CNTNAP4: variants seen among roughly 807,000 people sequenced by gnomAD.
CNTNAP4 encodes the protein contactin-associated protein-like 4.
Under a neutral mutation model 148.4 loss-of-function variants are expected in CNTNAP4, and 98 were observed. That is an observed-to-expected ratio of 0.66 (90% CI 0.56 to 0.78). The LOEUF (loss-of-function observed/expected upper bound fraction) is 0.78, where lower values mean the gene tolerates loss of function less well. CNTNAP4 is among the 30% of genes least tolerant of loss of function. CNTNAP4 has a pLI of 0.00. For synonymous variants in CNTNAP4, 730 were observed against 565.1 expected (o/e 1.29, Z -4.14); for missense variants, 1,935 against 1,565.6 (o/e 1.24, Z -3.98).
At chr16:76,417,637 TTAAC>T (rs1198672606) in intron 3 of CNTNAP4, among the ~76,000 whole-genome samples, 5 of 151,696 alleles carry the variant, frequency 3.3e-5, no homozygotes, top group South Asian at 4.1e-4. Context: ...AATGATTTCA[TTAAC>T]TAAGAATAAG....
At chr16:76,354,473 C>A (rs1452234222) in intron 2 of CNTNAP4, among the ~76,000 whole-genome samples, 2 of 152,082 alleles carry the variant, frequency 1.3e-5, no homozygotes, top group Non-Finnish European at 2.9e-5. Flanking sequence ...GTTCTCTTTT[C>A]CCCCATCCTC....
chr16:76,522,008 C>T (rs1302838932), intron 16 of CNTNAP4, 31 bp from the exon 17 acceptor site: 9 of 1,604,284 alleles, frequency 5.6e-6, no homozygotes, highest in East Asian at 2.2e-5. Flanking sequence ...TAGGAACTCA[C>T]TAGAACAATC....
intron 3 of CNTNAP4, among the ~76,000 whole-genome samples, chr16:76,384,606 A>T (rs1052623046): frequency 1.3e-5 from 2 of 152,104 alleles, no homozygotes; most frequent in African/African-American, 4.8e-5. Context: ...TGAGTTGATT[A>T]ATCTCCTTGG....
intron 12 of CNTNAP4, among the ~76,000 whole-genome samples, chr16:76,480,052 G>T (rs2143663127): frequency 6.6e-6 from 1 of 152,124 alleles, no homozygotes; most frequent in East Asian, 1.9e-4. Context: ...GTTTATAGTG[G>T]AATTTGAAAG....
At chr16:76,475,378 G>A (rs1419092074) in intron 10 of CNTNAP4, among the ~76,000 whole-genome samples, 5 of 152,176 alleles carry the variant, frequency 3.3e-5, no homozygotes, top group Non-Finnish European at 7.3e-5. Context: ...TGTTGAGTAT[G>A]ACAGATATTT....
intron 2 of CNTNAP4, among the ~76,000 whole-genome samples, chr16:76,325,577 T>C (rs965744912): frequency 6.6e-6 from 1 of 152,146 alleles, no homozygotes; most frequent in East Asian, 1.9e-4. Flanking sequence ...TGAGAAAACA[T>C]TTTAACTGAA....
At chr16:76,493,824 C>T (rs764058038) in intron 13 of CNTNAP4, among the ~76,000 whole-genome samples, 4 of 152,234 alleles carry the variant, frequency 2.6e-5, no homozygotes, top group East Asian at 1.9e-4. Context: ...GCCAGACTGG[C>T]ATGTATAGTA....
intron 2 of CNTNAP4, among the ~76,000 whole-genome samples, chr16:76,316,841 T>C (rs1961812076): frequency 6.6e-6 from 1 of 152,186 alleles, no homozygotes; most frequent in South Asian, 2.1e-4. Context: ...AGTTTCAAGT[T>C]AAAGAAGTAA....
chr16:76,284,999 A>G (rs953441362), intron 1 of CNTNAP4, among the ~76,000 whole-genome samples: 2 of 152,032 alleles, frequency 1.3e-5, no homozygotes, highest in Non-Finnish European at 2.9e-5. Flanking sequence ...GTTAGTTCAT[A>G]GTTACTAACT....
chr16:76,299,129 A>G (rs1959654303), intron 1 of CNTNAP4, among the ~76,000 whole-genome samples: 1 of 152,204 alleles, frequency 6.6e-6, no homozygotes, highest in Non-Finnish European at 1.5e-5. Context: ...AATGGCAACA[A>G]AAGCCAGAAT....
At chr16:76,534,502 G>A (rs537099229) in intron 17 of CNTNAP4, among the ~76,000 whole-genome samples, 3 of 152,116 alleles carry the variant, frequency 2.0e-5, no homozygotes, top group Non-Finnish European at 2.9e-5. Flanking sequence ...GGTTATTTAG[G>A]TTAGGGTACT....
At chr16:76,374,154 G>A (rs1398742285) in intron 3 of CNTNAP4, among the ~76,000 whole-genome samples, 3 of 152,080 alleles carry the variant, frequency 2.0e-5, no homozygotes, top group African/African-American at 7.2e-5. Context: ...CTAATAATAG[G>A]ATTCTTTTTC....
At chr16:76,516,407 G>A (rs910418563) in intron 15 of CNTNAP4, among the ~76,000 whole-genome samples, 2 of 152,178 alleles carry the variant, frequency 1.3e-5, no homozygotes, top group Non-Finnish European at 2.9e-5. Flanking sequence ...AAACATACAT[G>A]TGCAAATGAT....
At chr16:76,485,249 C>T (rs187801552) in intron 12 of CNTNAP4, among the ~76,000 whole-genome samples, 1 of 152,174 alleles carries the variant, frequency 6.6e-6, no homozygotes, top group Admixed American at 6.5e-5. Flanking sequence ...TCCCGAGTAG[C>T]TGGGATTGCA....
chr16:76,380,455 G>T (rs2015854856), intron 3 of CNTNAP4, among the ~76,000 whole-genome samples: 2 of 152,126 alleles, frequency 1.3e-5, no homozygotes, highest in African/African-American at 2.4e-5. Flanking sequence ...TTTGAAATCA[G>T]TATTGCTATA....
chr16:76,452,255 A>T (rs9936594), intron 7 of CNTNAP4, among the ~76,000 whole-genome samples: 2 of 151,986 alleles, frequency 1.3e-5, no homozygotes, highest in East Asian at 3.9e-4. Flanking sequence ...GTTTTATTCC[A>T]ATGTGTATTC....
At chr16:76,348,514 TAAAAG>T (rs1327912702) in intron 2 of CNTNAP4, among the ~76,000 whole-genome samples, 1 of 151,972 alleles carries the variant, frequency 6.6e-6, no homozygotes, top group Admixed American at 6.6e-5. Context: ...TCATGTGAGA[TAAAAG>T]AAGAAACCAG....
At chr16:76,350,033 C>T (rs191417801) in intron 2 of CNTNAP4, among the ~76,000 whole-genome samples, 2 of 152,060 alleles carry the variant, frequency 1.3e-5, no homozygotes, top group African/African-American at 4.8e-5. Flanking sequence ...GTCTCCCTTA[C>T]CAGCACTAAA....
At chr16:76,539,586 G>A in intron 19 of CNTNAP4, 133 bp from the exon 20 acceptor site, 1 of 713,214 alleles carries the variant, frequency 1.4e-6, no homozygotes, top group Non-Finnish European at 2.3e-6. Flanking sequence ...GACTCTTGGG[G>A]ATTATAAAAA....
Sources: allele counts gnomAD v4.1 joint callset (sites outside exome capture counted in the v4.1 genomes callset), GRCh38; gene constraint gnomAD v4.1.1; transcripts MANE v1.5; gene names NCBI Gene and HGNC (gene_info 2026-07-23, HGNC 2026-07-21).